Variants in RAD52 observed in about 807,000 individuals in gnomAD.
RAD52 encodes the protein RAD52 DNA repair protein, also known as DNA repair protein RAD52 homolog.
RAD52 carries 47 observed loss-of-function variants against 55.5 expected under a neutral mutation model. That is an observed-to-expected ratio of 0.85 (90% confidence interval 0.67 to 1.08). The LOEUF (loss-of-function observed/expected upper bound fraction) is 1.08, where lower values mean the gene tolerates loss of function less well. Among genes scored for constraint, RAD52 ranks in the 50% least tolerant of loss-of-function variants. RAD52 has a pLI of 0.00. For synonymous variants in RAD52, 184 were observed against 198.9 expected, an observed-to-expected ratio of 0.92 and a Z score of 0.63; for missense variants, 468 against 522.8, an observed-to-expected ratio of 0.90 and a Z score of 1.02.
At chr12:986,329 G>C (rs1451232074) in intron 1 of RAD52, among the ~76,000 whole-genome samples, 1 of 152,032 alleles carries the variant, frequency 6.6e-6, no homozygotes, top group Non-Finnish European at 1.5e-5. Flanking sequence ...TTCCCAAAGT[G>C]CTGGGATTAC....
At chr12:925,883 G>A (rs1351995077) in intron 6 of RAD52, among the ~76,000 whole-genome samples, 2 of 152,022 alleles carry the variant, frequency 1.3e-5, no homozygotes, top group Non-Finnish European at 2.9e-5. Context: ...CCCAGCAGGA[G>A]TAGGCAACAC....
At position 911,983 on chromosome 12, in the gene RAD52, C is replaced by T. The variant is rs1262209829; in HGVS notation, c.*1408G>A. On this transcript the variant is annotated 3_prime_UTR_variant, in exon 12 of 12. Coordinates refer to ENST00000358495, the MANE Select transcript of RAD52 (RefSeq NM_134424.4). Reference sequence around the variant, plus strand: ...AGGCTGCAATGAGTCAAGATGGCACCGCTGCACTCCAGCCTGCGCTACAGA... The same window carrying T: ...AGGCTGCAATGAGTCAAGATGGCACTGCTGCACTCCAGCCTGCGCTACAGA... The T allele has an allele frequency of 1.5e-5, 3 of 196,354 alleles. No homozygotes were observed. Among genetic ancestry groups the T allele is most frequent in the African/African-American group, 4.6e-5 (2 of 43,088 alleles). 12.2% of individuals were successfully genotyped at this position (196,354 alleles called of 1,614,324 possible). A position where few individuals can be genotyped will look rare whatever the true frequency, so the allele number is the denominator to read the frequency against.
chr12:972,238 T>C (rs1258204529), intron 1 of RAD52, among the ~76,000 whole-genome samples: 1 of 151,964 alleles, frequency 6.6e-6, no homozygotes, highest in Non-Finnish European at 1.5e-5. Flanking sequence ...TACATTTCAG[T>C]GGGGGAGACT....
intron 1 of RAD52, among the ~76,000 whole-genome samples, chr12:935,862 AAATAAAT>A (rs1565677874): frequency 0.042 from 87 of 2,058 alleles, no homozygotes; most frequent in African/African-American, 0.1. Flanking sequence ...TCAAAAAAAT[AAATAAAT>A]AAATAAATAA....
chr12:978,884 T>TGATACGTAGATA (rs1555183677), intron 1 of RAD52, among the ~76,000 whole-genome samples: 1 of 112,012 alleles, frequency 8.9e-6, no homozygotes, highest in African/African-American at 3.0e-5. Flanking sequence ...AAAAAGTAGA[T>TGATACGTAGATA]GATAGGTAGA....
intron 5 of RAD52, 144 bp from the exon 6 acceptor site, chr12:927,407 G>T (rs1957098573): frequency 1.5e-6 from 1 of 689,428 alleles, no homozygotes; most frequent in East Asian, 2.5e-5. Context: ...GGCTGGGTGA[G>T]AATCCATCGC....
chr12:943,935 G>A (rs1405504653), intron 1 of RAD52, among the ~76,000 whole-genome samples: 1 of 152,078 alleles, frequency 6.6e-6, no homozygotes, highest in Non-Finnish European at 1.5e-5. Flanking sequence ...GGCGGGGCCC[G>A]CTGGGTGCAG....
intron 1 of RAD52, among the ~76,000 whole-genome samples, chr12:984,855 T>G (rs1438640206): frequency 6.6e-6 from 1 of 152,050 alleles, no homozygotes; most frequent in Non-Finnish European, 1.5e-5. Flanking sequence ...TCAGTAGAGA[T>G]GGAGTTTCAC....
At chr12:988,847 C>T (rs1204566428) in intron 1 of RAD52, among the ~76,000 whole-genome samples, 1 of 150,968 alleles carries the variant, frequency 6.6e-6, no homozygotes, top group Non-Finnish European at 1.5e-5. Flanking sequence ...ACCCAAACAC[C>T]TCCCATCAGG....
intron 1 of RAD52, among the ~76,000 whole-genome samples, chr12:940,677 CA>C (rs1236360669): frequency 1.3e-5 from 2 of 152,002 alleles, no homozygotes; most frequent in Non-Finnish European, 2.9e-5. Flanking sequence ...CTGTGAAAGA[CA>C]CAAAGAAAAT....
upstream of RAD52, among the ~76,000 whole-genome samples, chr12:952,086 C>T (rs955709704): frequency 2.0e-5 from 3 of 152,164 alleles, no homozygotes; most frequent in Non-Finnish European, 2.9e-5. Flanking sequence ...GCTTCAGTCT[C>T]CTAAGTAGCT....
chr12:973,603 G>C (rs139992106), intron 1 of RAD52, among the ~76,000 whole-genome samples: 1 of 150,798 alleles, frequency 6.6e-6, no homozygotes, highest in Non-Finnish European at 1.5e-5. Flanking sequence ...CCAGCCTCCC[G>C]AGTAGCTGGG....
chr12:942,453 CTA>C (rs1592425599), intron 1 of RAD52, among the ~76,000 whole-genome samples: 1 of 152,162 alleles, frequency 6.6e-6, no homozygotes, highest in East Asian at 1.9e-4. Context: ...AAAACTAAAA[CTA>C]TAAAATTTAT....
intron 1 of RAD52, among the ~76,000 whole-genome samples, chr12:984,866 C>T (rs972357010): frequency 1.2e-4 from 19 of 152,002 alleles, no homozygotes; most frequent in Non-Finnish European, 1.6e-4. Context: ...GGAGTTTCAC[C>T]GTGTTAGCCA....
At chr12:959,765 T>A (rs1958658772) in intron 1 of RAD52, among the ~76,000 whole-genome samples, 1 of 152,070 alleles carries the variant, frequency 6.6e-6, no homozygotes, top group South Asian at 2.1e-4. Context: ...AAGTCTCTAG[T>A]TAAAGGTGAG....
In RAD52 at chr12:927,224, C is replaced by T. The variant is rs201623936; in HGVS notation, c.388G>A (p.Glu130Lys). ...GATAAAGCCTTGGACTTGAGGCCCT[C>T]ACTAACACCATAACCAACATCTTCA... is the stretch of plus-strand genomic sequence containing the variant. ...YHEDVGYGVSEGLKSKALSLE... is the reference protein window; with the variant it reads ...YHEDVGYGVSKGLKSKALSLE... The change falls in exon 6 of 12, where the codon GAG becomes AAG. Residue 130 changes from glutamate to lysine, a missense_variant. Physicochemically the swap from Glu to Lys is moderately conservative, Grantham distance 56. Coordinates refer to ENST00000358495, the MANE Select transcript of RAD52 (RefSeq NM_134424.4). 263 of 1,614,120 alleles carry T rather than the reference C, an allele frequency of 1.6e-4. 2 individuals are homozygous for T. Among genetic ancestry groups the T allele is most frequent in the Middle Eastern group, 6.6e-4 (4 of 6,062 alleles).
intron 1 of RAD52, among the ~76,000 whole-genome samples, chr12:939,073 T>TA (rs1429222699): frequency 2.4e-5 from 3 of 123,536 alleles, no homozygotes; most frequent in Non-Finnish European, 5.4e-5. Context: ...TGTGTGTGTG[T>TA]GTGTGTGTGT....
In RAD52 at chr12:986,253, A is replaced by C. The variant is rs138941552; in HGVS notation, c.-19+3556T>G. Among the ~76,000 whole-genome samples the C allele has an allele frequency of 2.3e-4, 35 of 152,104 alleles. No homozygotes were observed. In the East Asian group the frequency reaches 6.0e-3, roughly 26 times the overall value. ...CTGGCCTTGTTTTTAAAATAGAGAC[A>C]GGGTCTCGTTATGTTGCCCAGGTTG... On this transcript the variant is annotated intron_variant, in intron 1 of 11. Transcript: ENST00000430095.
At chr12:959,012 A>T (rs7300039) in intron 1 of RAD52, among the ~76,000 whole-genome samples, 92,950 of 152,010 alleles carry the variant, frequency 0.61, 28,454 homozygotes, top group Middle Eastern at 0.68. Flanking sequence ...CTACTGATCC[A>T]GGCGCTGTCA....
Sources: gnomAD v4.1 joint callset for allele counts (sites outside exome capture counted in the v4.1 genomes callset) on GRCh38, gnomAD v4.1.1 for gene constraint, MANE v1.5 for transcripts, NCBI Gene and HGNC (gene_info 2026-07-23, HGNC 2026-07-21) for gene names.